Variants in SLC35D4 observed in about 807,000 individuals in gnomAD.
SLC35D4 encodes the protein UDP-N-acetylglucosamine transporter SLC35D4.
the SLC35D4 span, among the ~76,000 whole-genome samples, chr18:23,362,250 C>G: frequency 6.6e-6 from 1 of 152,188 alleles, no homozygotes; most frequent in Admixed American, 6.5e-5. Context: ...CAGCTCCAGA[C>G]CAAAATTTAG....
the SLC35D4 span, among the ~76,000 whole-genome samples, chr18:23,312,669 T>C: frequency 7.9e-5 from 12 of 152,300 alleles, no homozygotes; most frequent in South Asian, 2.5e-3. Flanking sequence ...ACGTGGTTTC[T>C]ACGTGCGTGA....
chr18:23,402,040 G>A, the SLC35D4 span, among the ~76,000 whole-genome samples: 5 of 152,178 alleles, frequency 3.3e-5, no homozygotes, highest in Admixed American at 3.3e-4. Flanking sequence ...GTTCTCCGAA[G>A]TCATCTCCCT....
the SLC35D4 span, among the ~76,000 whole-genome samples, chr18:23,374,394 G>C: frequency 1.3e-5 from 2 of 152,060 alleles, no homozygotes; most frequent in Non-Finnish European, 1.5e-5. Flanking sequence ...AAAACAACAG[G>C]CCTCCCCTAT....
chr18:23,384,841 TC>T, the SLC35D4 span: 1 of 628,622 alleles, frequency 1.6e-6, no homozygotes, highest in Non-Finnish European at 2.8e-6. Flanking sequence ...CAAAACTGTG[TC>T]CCATGGTATC....
At chr18:23,294,215 C>T in the SLC35D4 span, among the ~76,000 whole-genome samples, 1 of 152,030 alleles carries the variant, frequency 6.6e-6, no homozygotes, top group Non-Finnish European at 1.5e-5. Flanking sequence ...AACCCAAATC[C>T]CAAGGCTCTG....
chr18:23,306,394 C>T, the SLC35D4 span, among the ~76,000 whole-genome samples: 41 of 152,152 alleles, frequency 2.7e-4, no homozygotes, highest in African/African-American at 7.7e-4. Flanking sequence ...GCAACCTCCA[C>T]CTCCCGGGTT....
chr18:23,294,416 C>A, the SLC35D4 span, among the ~76,000 whole-genome samples: 1 of 152,120 alleles, frequency 6.6e-6, no homozygotes, highest in Non-Finnish European at 1.5e-5. Context: ...TGAATTTGGG[C>A]ATAGAAGATG....
chr18:23,365,200 A>G, the SLC35D4 span, among the ~76,000 whole-genome samples: 1 of 152,208 alleles, frequency 6.6e-6, no homozygotes, highest in Admixed American at 6.5e-5. Flanking sequence ...GAGGCCCCTC[A>G]TATTCTGCCA....
At chr18:23,310,006 T>G in the SLC35D4 span, among the ~76,000 whole-genome samples, 1 of 152,192 alleles carries the variant, frequency 6.6e-6, no homozygotes, top group South Asian at 2.1e-4. Flanking sequence ...GCATTTAACT[T>G]CCAAATTCTT....
At chr18:23,313,531 T>A in the SLC35D4 span, among the ~76,000 whole-genome samples, 1 of 152,132 alleles carries the variant, frequency 6.6e-6, no homozygotes, top group Non-Finnish European at 1.5e-5. Flanking sequence ...TCCAGGATGA[T>A]CAGTAATTCT....
chr18:23,384,008 G>GT, the SLC35D4 span, among the ~76,000 whole-genome samples: 2 of 137,118 alleles, frequency 1.5e-5, no homozygotes, highest in East Asian at 2.4e-4. Context: ...AATTGGGGGG[G>GT]GGGGGTGTGA....
At chr18:23,254,008 G>C in the SLC35D4 span, 1 of 1,305,726 alleles carries the variant, frequency 7.7e-7, no homozygotes, top group South Asian at 1.2e-5. Flanking sequence ...AGAAGGATTC[G>C]GTCAGTGACC....
At chr18:23,299,734 G>A in the SLC35D4 span, among the ~76,000 whole-genome samples, 1 of 152,172 alleles carries the variant, frequency 6.6e-6, no homozygotes, top group African/African-American at 2.4e-5. Flanking sequence ...AAAGGCCTCT[G>A]GGGGAAGGCA....
chr18:23,277,742 C>T, the SLC35D4 span, among the ~76,000 whole-genome samples: 1 of 152,136 alleles, frequency 6.6e-6, no homozygotes, highest in African/African-American at 2.4e-5. Flanking sequence ...GTGAAGGAGT[C>T]AATTTATCAA....
At chr18:23,416,169 C>T in the SLC35D4 span, among the ~76,000 whole-genome samples, 1 of 152,208 alleles carries the variant, frequency 6.6e-6, no homozygotes, top group African/African-American at 2.4e-5. Flanking sequence ...CGAGATCGTG[C>T]CATTGCCCTC....
chr18:23,400,376 C>T, the SLC35D4 span, among the ~76,000 whole-genome samples: 31 of 152,308 alleles, frequency 2.0e-4, no homozygotes, highest in African/African-American at 7.0e-4. Context: ...GTAATCCCAG[C>T]ACTTTGGGAG....
chr18:23,365,030 A>G, the SLC35D4 span, among the ~76,000 whole-genome samples: 1 of 151,966 alleles, frequency 6.6e-6, no homozygotes, highest in Admixed American at 6.6e-5. Context: ...TTAACAATAT[A>G]TTTGCAAAAT....
chr18:23,264,766 C>G, the SLC35D4 span, among the ~76,000 whole-genome samples: 1 of 151,980 alleles, frequency 6.6e-6, no homozygotes, highest in Non-Finnish European at 1.5e-5. Flanking sequence ...ACCTCAGTCT[C>G]CCAAATAGGC....
chr18:23,272,160 C>T, the SLC35D4 span, among the ~76,000 whole-genome samples: 4 of 152,248 alleles, frequency 2.6e-5, no homozygotes, highest in East Asian at 5.8e-4. Flanking sequence ...TGAGCCTGCA[C>T]GTGTGGGATC....
Sources: gnomAD v4.1 joint callset for allele counts (sites outside exome capture counted in the v4.1 genomes callset) on GRCh38, gnomAD v4.1.1 for gene constraint, MANE v1.5 for transcripts, NCBI Gene and HGNC (gene_info 2026-07-23, HGNC 2026-07-21) for gene names.